MAD1L1: variants seen among roughly 807,000 people sequenced by gnomAD.
MAD1L1 encodes the protein mitotic spindle assembly checkpoint protein MAD1.
MAD1L1 carries 95 observed loss-of-function variants against 96.9 expected under a neutral mutation model. The ratio of observed to expected loss-of-function variants is 0.98; its 90% CI spans 0.83 to 1.16. MAD1L1 has a LOEUF of 1.16. MAD1L1 is among the 50% of genes most tolerant of loss of function. MAD1L1 has a pLI of 0.00. For missense variants in MAD1L1, 1,007 were observed against 954.4 expected, an observed-to-expected ratio of 1.06 and a Z score of -0.73; for synonymous variants, 473 against 396.6, an observed-to-expected ratio of 1.19 and a Z score of -2.29.
At chr7:2,120,401 G>C (rs1418303774) in intron 11 of MAD1L1, among the ~76,000 whole-genome samples, 1 of 152,252 alleles carries the variant, frequency 6.6e-6, no homozygotes, top group Non-Finnish European at 1.5e-5. Flanking sequence ...TTCTGAGAAA[G>C]CCTAGGACTG....
intron 3 of MAD1L1, among the ~76,000 whole-genome samples, chr7:2,227,019 C>T (rs1793936695): frequency 7.0e-6 from 1 of 142,924 alleles, no homozygotes; most frequent in South Asian, 2.2e-4. Context: ...CTAGGCCAGG[C>T]GTGGTGGCTC....
chr7:1,962,261 T>A (rs959866643), intron 15 of MAD1L1, among the ~76,000 whole-genome samples: 3 of 152,214 alleles, frequency 2.0e-5, no homozygotes, highest in African/African-American at 7.2e-5. Context: ...TGGCTCTCAT[T>A]CTCTCTTGTC....
At chr7:2,065,661 G>A (rs1784846476) in intron 12 of MAD1L1, among the ~76,000 whole-genome samples, 1 of 152,184 alleles carries the variant, frequency 6.6e-6, no homozygotes, top group Admixed American at 6.5e-5. Flanking sequence ...CTTTCCCAGT[G>A]TGCGGGTTCC....
intron 11 of MAD1L1, among the ~76,000 whole-genome samples, chr7:2,077,707 G>T (rs1785445322): frequency 1.3e-5 from 2 of 152,226 alleles, no homozygotes; most frequent in Non-Finnish European, 2.9e-5. Flanking sequence ...AGGAGACAAG[G>T]ATCCAGGAGG....
At chr7:2,116,580 G>T (rs918904913) in intron 11 of MAD1L1, among the ~76,000 whole-genome samples, 4 of 148,702 alleles carry the variant, frequency 2.7e-5, no homozygotes, top group African/African-American at 9.9e-5. Flanking sequence ...GGGGGGGGGG[G>T]GCTCCTGTGT....
intron 15 of MAD1L1, among the ~76,000 whole-genome samples, chr7:1,966,839 G>A (rs952572471): frequency 3.3e-5 from 5 of 152,240 alleles, no homozygotes; most frequent in East Asian, 1.9e-4. Context: ...GCCGCGCTGC[G>A]TGCGCAGGGC....
intron 18 of MAD1L1, among the ~76,000 whole-genome samples, chr7:1,889,787 C>T (rs997968491): frequency 6.6e-6 from 1 of 152,226 alleles, no homozygotes; most frequent in African/African-American, 2.4e-5. Context: ...CCTTCCTCAC[C>T]TTCTAAGCAA....
intron 13 of MAD1L1, among the ~76,000 whole-genome samples, chr7:2,006,775 A>G (rs1782052215): frequency 2.0e-5 from 3 of 152,170 alleles, no homozygotes; most frequent in Non-Finnish European, 4.4e-5. Flanking sequence ...GTGTGCGCAG[A>G]GGAGGCTCCC....
intron 16 of MAD1L1, among the ~76,000 whole-genome samples, chr7:1,943,689 T>A (rs1282942592): frequency 6.6e-6 from 1 of 151,776 alleles, no homozygotes; most frequent in Non-Finnish European, 1.5e-5. Context: ...GTTCCTCCAA[T>A]GGTGAAACGG....
At chr7:2,187,703 G>A (rs1306201035) in intron 10 of MAD1L1, among the ~76,000 whole-genome samples, 1 of 152,192 alleles carries the variant, frequency 6.6e-6, no homozygotes, top group Non-Finnish European at 1.5e-5. Flanking sequence ...GAAAGCACAT[G>A]TAAGACATTT....
chr7:2,032,962 G>T (rs568258457), intron 12 of MAD1L1, among the ~76,000 whole-genome samples: 25 of 152,244 alleles, frequency 1.6e-4, no homozygotes, highest in Non-Finnish European at 2.5e-4. Flanking sequence ...CGTGGAGAGG[G>T]CACCAGCTGA....
At chr7:2,164,593 T>A (rs1235212961) in intron 10 of MAD1L1, among the ~76,000 whole-genome samples, 43 of 79,506 alleles carry the variant, frequency 5.4e-4, no homozygotes, top group African/African-American at 1.0e-3. Context: ...GCAGGAAAAA[T>A]GGGGGGGGGG....
chr7:1,946,174 C>G (rs904716535), intron 16 of MAD1L1, among the ~76,000 whole-genome samples: 2 of 152,248 alleles, frequency 1.3e-5, no homozygotes, highest in African/African-American at 2.4e-5. Context: ...CCCCTGCCCT[C>G]TGTGCATTCT....
chr7:1,902,218 T>A (rs903032786), intron 17 of MAD1L1, among the ~76,000 whole-genome samples: 5 of 152,056 alleles, frequency 3.3e-5, no homozygotes, highest in Admixed American at 2.6e-4. Flanking sequence ...GAGGACAGAA[T>A]AAAAATAAAT....
At chr7:2,138,365 T>C (rs570182227) in intron 11 of MAD1L1, among the ~76,000 whole-genome samples, 1 of 152,180 alleles carries the variant, frequency 6.6e-6, no homozygotes, top group Non-Finnish European at 1.5e-5. Flanking sequence ...GCAGGTGCAC[T>C]TAGTCCAGAG....
At chr7:1,920,511 G>A (rs941835786) in intron 17 of MAD1L1, among the ~76,000 whole-genome samples, 4 of 152,234 alleles carry the variant, frequency 2.6e-5, no homozygotes, top group African/African-American at 9.6e-5. Flanking sequence ...CGGGAGCGGG[G>A]GGAACCCATC....
intron 18 of MAD1L1, among the ~76,000 whole-genome samples, chr7:1,860,479 A>T (rs1245614551): frequency 6.6e-6 from 1 of 151,986 alleles, no homozygotes; most frequent in Admixed American, 6.5e-5. Flanking sequence ...CTGTCTCCCT[A>T]GGGGTGACAT....
At chr7:2,217,801 A>G (rs1489968478) in intron 7 of MAD1L1, among the ~76,000 whole-genome samples, 161 bp downstream of exon 7, 2 of 152,206 alleles carry the variant, frequency 1.3e-5, no homozygotes, top group Non-Finnish European at 2.9e-5. Flanking sequence ...CTCATTCACC[A>G]TGGCATCCCT....
intron 1 of MAD1L1, among the ~76,000 whole-genome samples, chr7:2,231,168 T>C (rs1794172388): frequency 6.6e-6 from 1 of 152,054 alleles, no homozygotes; most frequent in African/African-American, 2.4e-5. Flanking sequence ...TGTGGTGGTG[T>C]GCGCCTGTAA....
Sources: gnomAD v4.1 joint callset for allele counts (sites outside exome capture counted in the v4.1 genomes callset) on GRCh38, gnomAD v4.1.1 for gene constraint, MANE v1.5 for transcripts, NCBI Gene and HGNC (gene_info 2026-07-23, HGNC 2026-07-21) for gene names.